ERG: variants seen among roughly 807,000 people sequenced by gnomAD.
ERG encodes ETS transcription factor ERG.
ERG carries 9 observed loss-of-function variants against 55.3 expected under a neutral mutation model. That is an observed-to-expected ratio of 0.16 (90% confidence interval 0.10 to 0.28). ERG has a LOEUF of 0.28. Among genes scored for constraint, ERG ranks in the 10% least tolerant of loss-of-function variants. ERG has a pLI of 1.00. For synonymous variants in ERG, 223 were observed against 237.3 expected (o/e 0.94, Z 0.55); for missense variants, 434 against 631.6 (o/e 0.69, Z 3.35).
intron 3 of ERG, among the ~76,000 whole-genome samples, chr21:38,415,556 C>T (rs1601361176): frequency 6.6e-6 from 1 of 152,178 alleles, no homozygotes; most frequent in East Asian, 1.9e-4. Context: ...ATTAAAGAAG[C>T]ATGTCCCATC....
At chr21:38,641,260 T>C (rs1219061670) in intron 1 of ERG, among the ~76,000 whole-genome samples, 1 of 152,142 alleles carries the variant, frequency 6.6e-6, no homozygotes, top group Non-Finnish European at 1.5e-5. Context: ...AATGCCCTTA[T>C]AAAAGGGACC....
chr21:38,411,254 G>A (rs369722322), intron 3 of ERG, among the ~76,000 whole-genome samples: 4 of 152,138 alleles, frequency 2.6e-5, no homozygotes, highest in African/African-American at 9.7e-5. Context: ...TATTGTTTTG[G>A]TATTGATTTC....
intron 2 of ERG, among the ~76,000 whole-genome samples, chr21:38,428,920 C>CTT (rs1989972461): frequency 1.3e-5 from 2 of 152,056 alleles, no homozygotes; most frequent in Admixed American, 1.3e-4. Context: ...TTTGGGGGAA[C>CTT]AGGTGGTGTC....
At position 38,382,742 on chromosome 21, in the gene ERG, T is replaced by G; in HGVS notation, c.*661A>C. 9.4e-7 allele frequency: 1 copy of G among 1,066,380 alleles called. No individual in the cohort carries two copies. Among genetic ancestry groups the G allele is most frequent in the Non-Finnish European group, 1.1e-6 (1 of 879,644 alleles). 66.1% of individuals were successfully genotyped at this position (1,066,380 alleles called of 1,614,324 possible). A position where few individuals can be genotyped will look rare whatever the true frequency, so the allele number is the denominator to read the frequency against. ...TCACACGCTCACTCTATACACATCC[T>G]CAGTCCCACCTTTTAGTTCATAGTC... On this transcript the variant is annotated 3_prime_UTR_variant, in exon 10 of 10. Coordinates refer to ENST00000288319, the MANE Select transcript of ERG (RefSeq NM_182918.4).
intron 1 of ERG, among the ~76,000 whole-genome samples, chr21:38,494,150 G>A (rs2059361191): frequency 6.6e-6 from 1 of 152,208 alleles, no homozygotes; most frequent in South Asian, 2.1e-4. Context: ...GCCACGTAAG[G>A]TGAGAGAAGC....
At chr21:38,567,002 C>T (rs1415775262) in intron 2 of ERG, among the ~76,000 whole-genome samples, 1 of 152,210 alleles carries the variant, frequency 6.6e-6, no homozygotes, top group Admixed American at 6.5e-5. Flanking sequence ...ACCCCTCTTA[C>T]ACTTCCTGAT....
intron 2 of ERG, among the ~76,000 whole-genome samples, chr21:38,549,611 G>A (rs911353073): frequency 1.3e-5 from 2 of 152,162 alleles, no homozygotes; most frequent in African/African-American, 4.8e-5. Context: ...TGGGAGCTGA[G>A]TCTTTTGAAA....
intron 4 of ERG, among the ~76,000 whole-genome samples, chr21:38,402,892 C>T (rs1369649536): frequency 6.6e-6 from 1 of 152,068 alleles, no homozygotes; most frequent in Non-Finnish European, 1.5e-5. Context: ...CCAGGCAAAG[C>T]AATGGAGGAG....
At chr21:38,601,423 T>C (rs1044590509) in intron 1 of ERG, among the ~76,000 whole-genome samples, 2 of 150,038 alleles carry the variant, frequency 1.3e-5, no homozygotes, top group African/African-American at 2.5e-5. Context: ...ACATGCTCAC[T>C]AAGAAAAAAA....
intron 1 of ERG, among the ~76,000 whole-genome samples, chr21:38,592,573 G>C (rs1408854625): frequency 2.6e-3 from 47 of 18,190 alleles, no homozygotes; most frequent in African/African-American, 8.5e-3. Flanking sequence ...TCCCTTCACT[G>C]TGTGTGTGTG....
At chr21:38,387,183 C>T (rs952935618) in intron 9 of ERG, among the ~76,000 whole-genome samples, 3 of 152,212 alleles carry the variant, frequency 2.0e-5, no homozygotes, top group African/African-American at 7.2e-5. Flanking sequence ...AGCCCTGCAG[C>T]CGTCAGCTGA....
intron 6 of ERG, among the ~76,000 whole-genome samples, chr21:38,396,932 TA>T (rs1220428830): frequency 6.6e-6 from 1 of 152,018 alleles, no homozygotes; most frequent in African/African-American, 2.4e-5. Context: ...TATATATATT[TA>T]AAAAATCATA....
chr21:38,564,082 GA>G lies in ERG; in HGVS notation c.-41+11579del, dbSNP rs763523130. ...ATCAACCCTGCAGAGGGGACTAAGA[GA>G]AAAAAAAAAACTGCTGCAAAGTGAT... On this transcript the variant is annotated intron_variant, in intron 2 of 8. Coordinates refer to the ERG transcript ENST00000398897. Among the ~76,000 whole-genome samples, 361 of 144,872 alleles carry G rather than the reference GA, an allele frequency of 2.5e-3. 2 individuals are homozygous for G. Among genetic ancestry groups the G allele is most frequent in the East Asian group, 5.2e-3 (26 of 5,008 alleles).
At chr21:38,511,870 G>A (rs150210907) in intron 2 of ERG, among the ~76,000 whole-genome samples, 82 of 152,216 alleles carry the variant, frequency 5.4e-4, no homozygotes, top group African/African-American at 1.9e-3. Flanking sequence ...GTAACACCTC[G>A]CAGACTCCAA....
intron 9 of ERG, among the ~76,000 whole-genome samples, chr21:38,387,663 T>A (rs1406254377): frequency 6.6e-6 from 1 of 152,178 alleles, no homozygotes; most frequent in Non-Finnish European, 1.5e-5. Flanking sequence ...AACACTCCTC[T>A]CCTATAGCCA....
At chr21:38,398,933 A>C (rs1036069127) in intron 6 of ERG, among the ~76,000 whole-genome samples, 1 of 152,190 alleles carries the variant, frequency 6.6e-6, no homozygotes, top group Admixed American at 6.5e-5. Context: ...AAAGTAAAAA[A>C]ATTTTTAAAA....
intron 1 of ERG, among the ~76,000 whole-genome samples, chr21:38,615,651 A>T (rs1022539808): frequency 1.3e-5 from 2 of 150,372 alleles, no homozygotes; most frequent in African/African-American, 4.9e-5. Context: ...GTAGAAGCAT[A>T]GAATAAATGA....
intron 1 of ERG, among the ~76,000 whole-genome samples, chr21:38,631,382 G>A (rs1056050923): frequency 3.3e-5 from 5 of 152,120 alleles, no homozygotes; most frequent in African/African-American, 1.2e-4. Context: ...GAATCAGGAA[G>A]AATCAGTAAC....
At chr21:38,397,730 A>G (rs1157447927) in intron 6 of ERG, among the ~76,000 whole-genome samples, 3 of 152,030 alleles carry the variant, frequency 2.0e-5, no homozygotes, top group Admixed American at 2.0e-4. Flanking sequence ...AGTGCTGGGA[A>G]GGTGGATGCA....
Sources: allele counts gnomAD v4.1 joint callset (sites outside exome capture counted in the v4.1 genomes callset), GRCh38; gene constraint gnomAD v4.1.1; transcripts MANE v1.5; gene names NCBI Gene and HGNC (gene_info 2026-07-23, HGNC 2026-07-21).